ZFAT: variants seen among roughly 807,000 people sequenced by gnomAD.
ZFAT encodes the protein zinc finger protein ZFAT.
A neutral mutation model predicts 117.7 loss-of-function variants in ZFAT; 64 were observed. The ratio of observed to expected loss-of-function variants is 0.54; its 90% CI spans 0.44 to 0.67. The LOEUF (loss-of-function observed/expected upper bound fraction) is 0.67, where lower values mean the gene tolerates loss of function less well. Among genes scored for constraint, ZFAT ranks in the 30% least tolerant of loss-of-function variants. The pLI, the probability that ZFAT is intolerant of heterozygous loss-of-function variation, is 0.00. For missense variants in ZFAT, 1,433 were observed against 1,584.5 expected (o/e 0.90, Z 1.62); for synonymous variants, 679 against 615.0 (o/e 1.10, Z -1.54).
At chr8:134,646,849 A>C (rs1372252654) in intron 2 of ZFAT, among the ~76,000 whole-genome samples, 1 of 152,220 alleles carries the variant, frequency 6.6e-6, no homozygotes, top group Non-Finnish European at 1.5e-5. Flanking sequence ...ACTGGATCAT[A>C]AGGAAATAGA....
At chr8:134,571,340 A>T (rs1477223075) in intron 10 of ZFAT, among the ~76,000 whole-genome samples, 1 of 152,256 alleles carries the variant, frequency 6.6e-6, no homozygotes, top group African/African-American at 2.4e-5. Flanking sequence ...GACCAGCCGC[A>T]TGAGGAAGAG....
chr8:134,483,495 C>A (rs185576119), intron 15 of ZFAT, among the ~76,000 whole-genome samples: 87 of 152,268 alleles, frequency 5.7e-4, no homozygotes, highest in Admixed American at 1.0e-3. Flanking sequence ...GAACTCTCAA[C>A]CACTCTCTTT....
the ZFAT span, among the ~76,000 whole-genome samples, chr8:134,736,593 T>C: frequency 1.3e-5 from 2 of 152,274 alleles, no homozygotes; most frequent in East Asian, 1.9e-4. Flanking sequence ...TCTCTCTCTC[T>C]CTCTCCCTCT....
At chr8:134,530,334 T>C (rs7833249) in intron 12 of ZFAT, among the ~76,000 whole-genome samples, 120 of 152,318 alleles carry the variant, frequency 7.9e-4, no homozygotes, top group Middle Eastern at 6.8e-3. Flanking sequence ...TACTTGAAAT[T>C]AATCAAAAGA....
intron 5 of ZFAT, 51 bp from the exon 6 acceptor site, chr8:134,602,984 A>T (rs914604079): frequency 6.4e-7 from 1 of 1,555,992 alleles, no homozygotes; most frequent in Admixed American, 1.9e-5. Context: ...AATGTTCCTC[A>T]TGAACTCTAC....
At chr8:134,764,870 T>C in the ZFAT span, 3 of 152,226 alleles carry the variant, frequency 2.0e-5, no homozygotes, top group Non-Finnish European at 2.9e-5. Context: ...ATTATATATC[T>C]ATGCACCTCA....
chr8:134,669,370 CA>C (rs1038284187), intron 1 of ZFAT, among the ~76,000 whole-genome samples: 1 of 152,154 alleles, frequency 6.6e-6, no homozygotes, highest in Non-Finnish European at 1.5e-5. Flanking sequence ...GGGTTACCCA[CA>C]AAGGGAAGCC....
chr8:134,574,365 C>T (rs575042173), intron 10 of ZFAT, among the ~76,000 whole-genome samples: 1 of 152,180 alleles, frequency 6.6e-6, no homozygotes, highest in South Asian at 2.1e-4. Context: ...GGGCAGGCCA[C>T]CGTGGGATCT....
chr8:134,600,747 T>TA, intron 6 of ZFAT, 79 bp from the exon 7 acceptor site: 1 of 1,082,702 alleles, frequency 9.2e-7, no homozygotes, highest in South Asian at 1.8e-5. Context: ...TATTATTTTT[T>TA]ATCTACAATA....
At chr8:134,486,861 G>C (rs1327606673) in intron 15 of ZFAT, among the ~76,000 whole-genome samples, 1 of 152,204 alleles carries the variant, frequency 6.6e-6, no homozygotes, top group Non-Finnish European at 1.5e-5. Context: ...TGTGCATAGG[G>C]GTGAGGGGCG....
At position 134,584,020 on chromosome 8, in the gene ZFAT, A is replaced by G. The variant is rs1825891442; in HGVS notation, c.2714-15T>C. On this transcript the variant is annotated splice_polypyrimidine_tract_variant and intron_variant, in intron 9 of 15. Transcript: ENST00000377838. ...GGGCTTCACACCTGCCAAGGGAAAA[A>G]TGTATATATCTCTATATATTTACAT... 4 of 1,551,134 alleles carry G rather than the reference A, an allele frequency of 2.6e-6. No homozygotes were observed. Among genetic ancestry groups the G allele is most frequent in the Non-Finnish European group, 3.5e-6 (4 of 1,146,672 alleles).
At chr8:134,802,544 G>A in the ZFAT span, among the ~76,000 whole-genome samples, 1 of 152,126 alleles carries the variant, frequency 6.6e-6, no homozygotes, top group Non-Finnish European at 1.5e-5. Context: ...AAGAATATTT[G>A]TACAAAAGCA....
chr8:134,760,319 C>A, the ZFAT span, among the ~76,000 whole-genome samples: 1 of 151,550 alleles, frequency 6.6e-6, no homozygotes, highest in Non-Finnish European at 1.5e-5. Context: ...AAACATCTTC[C>A]CATGGATTAT....
intron 3 of ZFAT, among the ~76,000 whole-genome samples, chr8:134,630,583 C>T (rs956006014): frequency 6.6e-6 from 1 of 152,162 alleles, no homozygotes; most frequent in Admixed American, 6.5e-5. Context: ...CACAACTCTC[C>T]TTGCCTAAGA....
chr8:134,822,980 T>C, the ZFAT span, among the ~76,000 whole-genome samples: 2 of 152,180 alleles, frequency 1.3e-5, no homozygotes, highest in African/African-American at 4.8e-5. Flanking sequence ...GGAACATCTG[T>C]TCTCTACTAA....
chr8:134,782,797 A>G, the ZFAT span, among the ~76,000 whole-genome samples: 2 of 129,616 alleles, frequency 1.5e-5, no homozygotes, highest in African/African-American at 8.0e-5. Flanking sequence ...TTCTTTATAA[A>G]TTACCCAGTC....
At chr8:134,706,303 A>C (rs982617323) in intron 1 of ZFAT, among the ~76,000 whole-genome samples, 1 of 152,222 alleles carries the variant, frequency 6.6e-6, no homozygotes, top group Non-Finnish European at 1.5e-5. Flanking sequence ...AAACTACTGA[A>C]TCTCAGAAGC....
rs1443891270 is a variant in ZFAT, at chr8:134,601,955, A to G, written c.1764T>C (p.His588=). 1.2e-6 allele frequency: 2 copies of G among 1,614,048 alleles called. No individual in the cohort carries two copies. The highest frequency in any genetic ancestry group is 1.1e-5 in the South Asian group (1 of 91,084). ...AATCATCTGAAACCACCTCTTGAGA[A>G]TGCAGGTCTGAGGAGGAGACCACGG... The part of the protein sequence containing the change: ...ETTVVSSSDL[H]SQEVVSDDFL... The change falls in exon 6 of 16, where the codon CAT becomes CAC. Residue 588 remains histidine (H), a synonymous_variant. Coordinates refer to ENST00000377838, the MANE Select transcript of ZFAT (RefSeq NM_020863.4).
chr8:134,538,869 T>A (rs1231220703), intron 11 of ZFAT, among the ~76,000 whole-genome samples: 3 of 131,970 alleles, frequency 2.3e-5, no homozygotes, highest in Admixed American at 8.5e-5. Context: ...TGAGAGAAAA[T>A]GAGATTGAAT....
Sources: allele counts gnomAD v4.1 joint callset (sites outside exome capture counted in the v4.1 genomes callset), GRCh38; gene constraint gnomAD v4.1.1; transcripts MANE v1.5; gene names NCBI Gene and HGNC (gene_info 2026-07-23, HGNC 2026-07-21).